The following ZNF19 variants were observed in gnomAD, a reference collection of about 807,000 sequenced individuals.
ZNF19 encodes zinc finger protein 19.
In ZNF19, 11 loss-of-function variants were observed where a neutral mutation model predicts 13.1. That is an observed-to-expected ratio of 0.84 (90% confidence interval 0.53 to 1.39). The LOEUF (loss-of-function observed/expected upper bound fraction) is 1.39, where lower values mean the gene tolerates loss of function less well. Among genes scored for constraint, ZNF19 ranks in the 40% most tolerant of loss-of-function variants. ZNF19 has a pLI of 0.00. For synonymous variants in ZNF19, 186 were observed against 187.0 expected, an observed-to-expected ratio of 0.99 and a Z score of 0.04; for missense variants, 560 against 547.0, an observed-to-expected ratio of 1.02 and a Z score of -0.24.
chr16:71,484,615 G>T lies in ZNF19; in HGVS notation c.-56C>A. ...TCAGGAAAAACAGAAAGCGGTGCGT[G>T]AACGGAAGTGCGTCACTACTTTGGC... is the stretch of plus-strand genomic sequence containing the variant. On this transcript the variant is annotated 5_prime_UTR_variant, in exon 2 of 6. Coordinates refer to ENST00000288177, the MANE Select transcript of ZNF19 (RefSeq NM_006961.4). 1 of 985,482 alleles carries T rather than the reference G, an allele frequency of 1.0e-6. No individual in the cohort carries two copies. The highest frequency in any genetic ancestry group is 1.2e-6 in the Non-Finnish European group (1 of 829,990). The allele number at this position is 985,482 out of a possible 1,614,324, so 61.0% of individuals were successfully genotyped here. A position where few individuals can be genotyped will look rare whatever the true frequency, so the allele number is the denominator to read the frequency against.
chr16:71,481,698 G>A (rs146513844), intron 3 of ZNF19, among the ~76,000 whole-genome samples: 62 of 152,232 alleles, frequency 4.1e-4, no homozygotes, highest in Non-Finnish European at 6.6e-4. Context: ...TCTTCCTGCT[G>A]TCCCTCTGCT....
At chr16:71,489,243 C>G in intron 1 of ZNF19, 29 bp downstream of exon 1, 3 of 985,608 alleles carry the variant, frequency 3.0e-6, no homozygotes, top group Non-Finnish European at 3.6e-6. Flanking sequence ...CCAAGCTCCG[C>G]CCAACTGTGG....
intron 3 of ZNF19, 41 bp downstream of exon 3, chr16:71,482,041 T>G (rs746843115): frequency 6.2e-7 from 1 of 1,611,294 alleles, no homozygotes; most frequent in Non-Finnish European, 8.5e-7. Flanking sequence ...TTCCTTCAAC[T>G]CAGACCTCCA....
chr16:71,479,342 C>G (rs1567570142), intron 3 of ZNF19, among the ~76,000 whole-genome samples: 1 of 152,168 alleles, frequency 6.6e-6, no homozygotes. Context: ...CAGTCTTTTA[C>G]TTTTGTACCT....
chr16:71,488,517 G>T (rs1228115413), intron 1 of ZNF19, among the ~76,000 whole-genome samples: 2 of 152,132 alleles, frequency 1.3e-5, no homozygotes, highest in Non-Finnish European at 2.9e-5. Context: ...AGTGAGTTCA[G>T]ACTGGTCACA....
intron 1 of ZNF19, among the ~76,000 whole-genome samples, chr16:71,486,348 G>A (rs534885865): frequency 8.1e-4 from 122 of 150,514 alleles, no homozygotes; most frequent in African/African-American, 1.8e-3. Context: ...GCAACAAAGC[G>A]AGACCCTGTC....
Position 71,484,656 on chromosome 16 carries a change from A to G in ZNF19, c.-97T>C, listed in dbSNP as rs1227642061. 2 of 985,284 alleles carry G rather than the reference A, an allele frequency of 2.0e-6. No individual in the cohort carries two copies. Among genetic ancestry groups the G allele is most frequent in the Non-Finnish European group, 2.4e-6 (2 of 829,930 alleles). 61.0% of individuals were successfully genotyped at this position (985,284 alleles called of 1,614,324 possible). On this transcript the variant is annotated 5_prime_UTR_variant, in exon 2 of 6. Transcript: ENST00000288177. ...CTACTTTGGCCTTGCACCCAGGCTCACACGCGTACTCTCTAGGATGCCGGA... is the reference window on the plus strand; with the variant it reads ...CTACTTTGGCCTTGCACCCAGGCTCGCACGCGTACTCTCTAGGATGCCGGA...
Position 71,475,183 on chromosome 16 carries a change from G to C in ZNF19, c.1364C>G (p.Pro455Arg). 3 of 1,599,404 alleles carry C rather than the reference G, an allele frequency of 1.9e-6. No homozygotes were observed. Among genetic ancestry groups the C allele is most frequent in the Non-Finnish European group, 2.6e-6 (3 of 1,172,012 alleles). The change falls in exon 6 of 6, where the codon CCC becomes CGC. Residue 455 changes from proline (P) to arginine (R), a missense_variant. Coordinates refer to ENST00000288177, the MANE Select transcript of ZNF19 (RefSeq NM_006961.4). Reference protein sequence around the residue: ...CRFGLPEFFTPFYW With the variant: ...CRFGLPEFFTRFYW ...TGGAGTGTACTATTACCAGTAAAAG[G>C]GGGTAAAAAATTCTGGGAGGCCAAA...
Position 71,478,318 on chromosome 16 carries a change from G to A in ZNF19, c.184C>T (p.Leu62=), listed in dbSNP as rs369183901. ...TCCCCTCTCTCCAAAAGTGAGATCA[G>A]TGCAGGTTTGGGAACTGGGTACCCT... ...ALGYPVPKPA[L]ISLLERGDMA... Residue 62 remains leucine, a synonymous_variant, in exon 5 of 6, where the codon CTG becomes TTG. Coordinates refer to ENST00000288177, the MANE Select transcript of ZNF19 (RefSeq NM_006961.4). 1.9e-5 allele frequency: 30 copies of A among 1,613,958 alleles called. No individual in the cohort carries two copies. The African/African-American group carries it at 2.5e-4, about 14-fold the overall frequency.
Position 71,475,370 on chromosome 16 carries a change from C to G in ZNF19, c.1177G>C (p.Ala393Pro). The G allele has an allele frequency of 6.2e-7, 1 of 1,614,042 alleles. No individual in the cohort carries two copies. Among genetic ancestry groups the G allele is most frequent in the Non-Finnish European group, 8.5e-7 (1 of 1,180,006 alleles). ...SSYVCDECGK[A>P]LTSKRNLHQH... Reference sequence around the variant, plus strand: ...TGAAGATTTCTTTTGCTAGTCAAGGCTTTTCCACACTCATCACATACATAG... The same window carrying G: ...TGAAGATTTCTTTTGCTAGTCAAGGGTTTTCCACACTCATCACATACATAG... Residue 393 changes from alanine to proline, a missense_variant, in exon 6 of 6, where the codon GCC becomes CCC. Physicochemically the swap from Ala to Pro is conservative, Grantham distance 27. Coordinates refer to ENST00000288177, the MANE Select transcript of ZNF19 (RefSeq NM_006961.4).
intron 2 of ZNF19, among the ~76,000 whole-genome samples, chr16:71,482,902 A>G (rs2043646612): frequency 6.6e-6 from 1 of 152,306 alleles, no homozygotes; most frequent in East Asian, 1.9e-4. Flanking sequence ...GGGTTTCATC[A>G]TATTGCCCAG....
Position 71,475,218 on chromosome 16 carries a change from G to A in ZNF19, c.1329C>T (p.Asp443=). 6.2e-7 allele frequency: 1 copy of A among 1,613,622 alleles called. No homozygotes were observed. The highest frequency in any genetic ancestry group is 8.5e-7 in the Non-Finnish European group (1 of 1,179,762). Residue 443 remains aspartate, a synonymous_variant, in exon 6 of 6, where the codon GAC becomes GAT. Coordinates refer to ENST00000288177, the MANE Select transcript of ZNF19 (RefSeq NM_006961.4). ...ATTCTGGGAGGCCAAAACGACAAAT[G>A]TCCAGCACAGGCTTCTCTCCAGAGT... The part of the protein sequence containing the change: ...HVYSGEKPVL[D]ICRFGLPEFF...
At chr16:71,484,259 T>C (rs1418885908) in intron 2 of ZNF19, among the ~76,000 whole-genome samples, 3 of 152,212 alleles carry the variant, frequency 2.0e-5, no homozygotes, top group Non-Finnish European at 4.4e-5. Context: ...CCCCGGAATC[T>C]AGAGCAGGAA....
At position 71,482,083 on chromosome 16, in the gene ZNF19, T is replaced by C. The variant is rs2043640417; in HGVS notation, c.32A>G (p.Gln11Arg). 4 of 1,614,012 alleles carry C rather than the reference T, an allele frequency of 2.5e-6. No homozygotes were observed. Among genetic ancestry groups the C allele is most frequent in the Admixed American group, 1.7e-5 (1 of 60,000 alleles). Residue 11 changes from glutamine (Q) to arginine (R), a missense_variant and splice_region_variant, in exon 3 of 6, where the codon CAG becomes CGG. By Grantham distance (43) the Gln-to-Arg change is conservative (BLOSUM62 1). Transcript: ENST00000288177. Reference sequence around the variant, plus strand: ...TGACCTCAGGGATCCACAGCTCACCTGGTATTGAGCTTTCAGAGGCATGGC... The same window carrying C: ...TGACCTCAGGGATCCACAGCTCACCCGGTATTGAGCTTTCAGAGGCATGGC... MAAMPLKAQY[Q>R]EMVTFEDVAV...
chr16:71,478,385 T>C, intron 4 of ZNF19, 44 bp from the exon 5 acceptor site: 1 of 1,441,644 alleles, frequency 6.9e-7, no homozygotes, highest in Admixed American at 1.8e-5. Flanking sequence ...CTGTATCTGC[T>C]GTGTCAAAAG....
Position 71,474,961 on chromosome 16 carries a change from C to G in ZNF19, c.*209G>C, listed in dbSNP as rs968414832. 15 of 604,408 alleles carry G rather than the reference C, an allele frequency of 2.5e-5. 1 individual carries two copies. The South Asian group carries it at 3.5e-4, about 14-fold the overall frequency. 37.4% of individuals were successfully genotyped at this position (604,408 alleles called of 1,614,324 possible). On this transcript the variant is annotated 3_prime_UTR_variant, in exon 6 of 6. Transcript: ENST00000288177. ...TAGTTCTTCTTCTCAGCATTAAAAC[C>G]AATGGGGGTGGGCGGGGGGAGAGTA...
At position 71,478,888 on chromosome 16, in the gene ZNF19, T is replaced by C. The variant is rs781613359; in HGVS notation, c.151A>G (p.Thr51Ala). The C allele has an allele frequency of 5.0e-6, 8 of 1,613,934 alleles. No individual in the cohort carries two copies. The highest frequency in any genetic ancestry group is 5.9e-6 in the Non-Finnish European group (7 of 1,179,956). Reference protein sequence around the residue: ...SVMLENFGNLTALGYPVPKPA... With the variant: ...SVMLENFGNLAALGYPVPKPA... The stretch of plus-strand genomic sequence containing the variant: ...AGGAAAATGGCCTTACCCAAAGCAG[T>C]CAGGTTCCCAAAATTCTCCAACATC... The change falls in exon 4 of 6, where the codon ACT (threonine) becomes GCT (alanine). Residue 51 changes from threonine to alanine, a missense_variant. Coordinates refer to ENST00000288177, the MANE Select transcript of ZNF19 (RefSeq NM_006961.4).
At position 71,474,462 on chromosome 16, in the gene ZNF19, G is replaced by C. The variant is rs1218452879; in HGVS notation, c.*708C>G. ...TCACTGGTGCAGACATAATTTTGTA[G>C]TACAATGAGATTTTTGTTACAGAGC... is the stretch of plus-strand genomic sequence containing the variant. On this transcript the variant is annotated 3_prime_UTR_variant, in exon 6 of 6. Transcript: ENST00000288177. The C allele has an allele frequency of 1.3e-5, 2 of 152,134 alleles. No individual in the cohort carries two copies. Among genetic ancestry groups the C allele is most frequent in the Non-Finnish European group, 2.9e-5 (2 of 68,014 alleles). 9.4% of individuals were successfully genotyped at this position (152,134 alleles called of 1,614,324 possible).
intron 5 of ZNF19, among the ~76,000 whole-genome samples, chr16:71,477,050 G>C (rs776857151): frequency 1.3e-5 from 2 of 152,122 alleles, no homozygotes; most frequent in Admixed American, 1.3e-4. Context: ...CCATAAAATG[G>C]CATTTGTGTT....
Sources: allele counts gnomAD v4.1 joint callset (sites outside exome capture counted in the v4.1 genomes callset), GRCh38; gene constraint gnomAD v4.1.1; transcripts MANE v1.5; gene names NCBI Gene and HGNC (gene_info 2026-07-23, HGNC 2026-07-21).